Variants in RDM1 observed in about 807,000 individuals in gnomAD.
RDM1 encodes the protein RAD52 motif containing 1.
Under a neutral mutation model 27.7 loss-of-function variants are expected in RDM1, and 28 were observed. The ratio of observed to expected loss-of-function variants is 1.01; its 90% CI spans 0.75 to 1.39. The LOEUF (loss-of-function observed/expected upper bound fraction) is 1.39, where lower values mean the gene tolerates loss of function less well. RDM1 is among the 40% of genes most tolerant of loss of function. The probability of loss-of-function intolerance (pLI) is 0.00; values close to 1 mark genes in which losing one functional copy is unlikely to be tolerated. For missense variants in RDM1, 277 were observed against 337.3 expected (o/e 0.82, Z 1.40); for synonymous variants, 124 against 127.5 (o/e 0.97, Z 0.19).
chr17:35,920,457 T>TTTTTC (rs2088903609), intron 5 of RDM1, among the ~76,000 whole-genome samples, 185 bp from the exon 6 acceptor site: 1 of 98,190 alleles, frequency 1.0e-5, no homozygotes, highest in Non-Finnish European at 2.0e-5. Context: ...TCTTTCTTTC[T>TTTTTC]TTTTTTTTTT....
In RDM1 at chr17:35,930,735, T is replaced by C; in HGVS notation, c.-8A>G. On this transcript the variant is annotated 5_prime_UTR_variant, in exon 1 of 7. It removes the in-frame stop codon of an upstream open reading frame in the 5' UTR. Coordinates refer to ENST00000620284, the MANE Select transcript of RDM1 (RefSeq NM_145654.4). ...AGGTACCAACTCCGCCATCCTCCCT[T>C]CACCGCACCTGCGCGGCTAACCCTC... is the stretch of plus-strand genomic sequence containing the variant. 2 of 1,612,570 alleles carry C rather than the reference T, an allele frequency of 1.2e-6. No individual in the cohort carries two copies. Among genetic ancestry groups the C allele is most frequent in the Non-Finnish European group, 8.5e-7 (1 of 1,179,408 alleles).
At chr17:35,930,051 C>A (rs909856179) in intron 2 of RDM1, 25 bp downstream of exon 2, 7 of 1,595,534 alleles carry the variant, frequency 4.4e-6, no homozygotes, top group Non-Finnish European at 4.3e-6. Context: ...TTCAGCGGAG[C>A]TAGGAATTCC....
intron 5 of RDM1, among the ~76,000 whole-genome samples, chr17:35,921,211 G>A (rs557732322): frequency 6.6e-6 from 1 of 152,360 alleles, no homozygotes; most frequent in East Asian, 1.9e-4. Flanking sequence ...ATATTAGGGA[G>A]AGGTAAACAA....
intron 2 of RDM1, among the ~76,000 whole-genome samples, chr17:35,927,527 G>T (rs1174816160): frequency 6.6e-6 from 1 of 152,078 alleles, no homozygotes; most frequent in Non-Finnish European, 1.5e-5. Flanking sequence ...GCCTTTCCTT[G>T]ATTTTATTTT....
At chr17:35,929,010 G>A (rs2089241324) in intron 2 of RDM1, among the ~76,000 whole-genome samples, 1 of 152,108 alleles carries the variant, frequency 6.6e-6, no homozygotes, top group Non-Finnish European at 1.5e-5. Context: ...GGAAGGCAGA[G>A]GTTGCAGTGA....
At chr17:35,921,419 G>A (rs2088940119) in intron 5 of RDM1, among the ~76,000 whole-genome samples, 1 of 152,220 alleles carries the variant, frequency 6.6e-6, no homozygotes, top group Non-Finnish European at 1.5e-5. Flanking sequence ...GGGCTGTGAA[G>A]CAGAAGAGCA....
intron 4 of RDM1, 48 bp downstream of exon 4, chr17:35,924,556 C>T: frequency 1.3e-6 from 2 of 1,545,178 alleles, no homozygotes; most frequent in East Asian, 2.3e-5. Flanking sequence ...AAGAAAGATC[C>T]TTTCCACTCC....
Position 35,927,706 on chromosome 17 carries a change from A to G in RDM1, c.277-2069T>C, listed in dbSNP as rs182024907. Among the ~76,000 whole-genome samples, 267 of 152,192 alleles carry G rather than the reference A, an allele frequency of 1.8e-3. 1 individual carries two copies. Among genetic ancestry groups the G allele is most frequent in the Non-Finnish European group, 1.6e-3 (106 of 68,018 alleles). ...GTATGAATGCCCTCTCATCTCACCTATCTATTGAGTTGTAGAACATTTCCT... is the reference window on the plus strand; with the variant it reads ...GTATGAATGCCCTCTCATCTCACCTGTCTATTGAGTTGTAGAACATTTCCT... On this transcript the variant is annotated intron_variant, in intron 2 of 6. Transcript: ENST00000620284.
chr17:35,930,516 T>TA (rs2089291027), intron 1 of RDM1, 116 bp downstream of exon 1: 1 of 1,023,232 alleles, frequency 9.8e-7, no homozygotes, highest in Admixed American at 2.6e-5. Flanking sequence ...CCTTTATAAT[T>TA]AAGAGTCCTT....
In RDM1 at chr17:35,920,228, C is replaced by T. The variant is rs375417161; in HGVS notation, c.712G>A (p.Val238Ile). The change falls in exon 6 of 7, where the codon GTA (valine) becomes ATA (isoleucine). Residue 238 changes from valine (V) to isoleucine (I), a missense_variant. Physicochemically the swap from Val to Ile is conservative, Grantham distance 29. Transcript: ENST00000620284. Reference protein sequence around the residue: ...AVEYRPSEDIVGVRCEEELHG... With the variant: ...AVEYRPSEDIIGVRCEEELHG... ...AGTTCTTCTTCGCATCTGACACCTA[C>T]GATGTCTTCACTGGGTCTGTACTCC... The T allele has an allele frequency of 1.6e-4, 261 of 1,604,656 alleles. No homozygotes were observed. Among genetic ancestry groups the T allele is most frequent in the Middle Eastern group, 9.9e-4 (6 of 6,042 alleles).
intron 2 of RDM1, among the ~76,000 whole-genome samples, chr17:35,928,557 G>C (rs1385551318): frequency 6.7e-6 from 1 of 149,212 alleles, no homozygotes; most frequent in South Asian, 2.1e-4. Context: ...GAGTTCAGGA[G>C]TTCGAGACCA....
intron 5 of RDM1, among the ~76,000 whole-genome samples, chr17:35,920,637 TAG>T (rs899106649): frequency 3.2e-4 from 49 of 151,846 alleles, no homozygotes; most frequent in African/African-American, 1.0e-3. Flanking sequence ...TTTTTTTTTT[TAG>T]AGACGTGGTC....
chr17:35,921,214 G>GT (rs1429398872), intron 5 of RDM1, among the ~76,000 whole-genome samples: 3 of 152,240 alleles, frequency 2.0e-5, no homozygotes, highest in Non-Finnish European at 4.4e-5. Context: ...TTAGGGAGAG[G>GT]TAAACAACAC....
At position 35,930,260 on chromosome 17, in the gene RDM1, G is replaced by T; in HGVS notation, c.97-5C>A. 1 of 1,614,138 alleles carries T rather than the reference G, an allele frequency of 6.2e-7. No homozygotes were observed. Among genetic ancestry groups the T allele is most frequent in the Admixed American group, 1.7e-5 (1 of 60,034 alleles). On this transcript the variant is annotated splice_polypyrimidine_tract_variant and splice_region_variant and intron_variant, in intron 1 of 6. Transcript: ENST00000620284. ...AAATGCTGTGAACAGAGAATGCTGTGGGGGTGGGACAAGTAAATGCATGAA... is the reference window on the plus strand; with the variant it reads ...AAATGCTGTGAACAGAGAATGCTGTTGGGGTGGGACAAGTAAATGCATGAA...
At chr17:35,925,017 C>T (rs1053922177) in intron 3 of RDM1, among the ~76,000 whole-genome samples, 3 of 151,924 alleles carry the variant, frequency 2.0e-5, no homozygotes, top group African/African-American at 4.8e-5. Context: ...GCCTGTAGTC[C>T]CAGCTACTTG....
In RDM1 at chr17:35,922,573, T is replaced by C; in HGVS notation, c.667+4A>G. On this transcript the variant is annotated splice_donor_region_variant and intron_variant, in intron 5 of 6. Transcript: ENST00000620284. ...TACTTCAAGGATGATCAAGACAGTCTTACCTAGAACAACAATCAACAGTTT... is the reference window on the plus strand; with the variant it reads ...TACTTCAAGGATGATCAAGACAGTCCTACCTAGAACAACAATCAACAGTTT... 6.2e-7 allele frequency: 1 copy of C among 1,610,932 alleles called. No homozygotes were observed.
At chr17:35,927,115 CAAAAA>C (rs955692533) in intron 2 of RDM1, among the ~76,000 whole-genome samples, 3 of 75,470 alleles carry the variant, frequency 4.0e-5, no homozygotes, top group African/African-American at 4.9e-5. Context: ...TTCATTTCAC[CAAAAA>C]AAAAAAAAAA....
At chr17:35,924,834 G>A in intron 3 of RDM1, 62 bp from the exon 4 acceptor site, 1 of 1,544,916 alleles carries the variant, frequency 6.5e-7, no homozygotes, top group Non-Finnish European at 8.8e-7. Flanking sequence ...AAAATGTTTT[G>A]TTATTAAAAG....
chr17:35,926,695 G>A (rs898717863), intron 2 of RDM1, among the ~76,000 whole-genome samples: 3 of 152,076 alleles, frequency 2.0e-5, no homozygotes, highest in Non-Finnish European at 4.4e-5. Context: ...GAGCCACTGC[G>A]CCTGGCCGTA....
Sources: allele counts gnomAD v4.1 joint callset (sites outside exome capture counted in the v4.1 genomes callset), GRCh38; gene constraint gnomAD v4.1.1; transcripts MANE v1.5; gene names NCBI Gene and HGNC (gene_info 2026-07-23, HGNC 2026-07-21).